The following MSI2 variants were observed in gnomAD, a reference collection of about 807,000 sequenced individuals.
MSI2 encodes the protein musashi RNA binding protein 2.
MSI2 carries 17 observed loss-of-function variants against 45.6 expected under a neutral mutation model. The ratio of observed to expected loss-of-function variants is 0.37; its 90% CI spans 0.26 to 0.56. The LOEUF is 0.56. Among genes scored for constraint, MSI2 ranks in the 20% least tolerant of loss-of-function variants. MSI2 has a pLI of 0.77. For missense variants in MSI2, 293 were observed against 444.2 expected (o/e 0.66, Z 3.06); for synonymous variants, 156 against 158.2 (o/e 0.99, Z 0.11).
intron 10 of MSI2, among the ~76,000 whole-genome samples, chr17:57,647,479 G>C (rs1910767301): frequency 6.7e-6 from 1 of 149,468 alleles, no homozygotes; most frequent in Admixed American, 6.7e-5. Flanking sequence ...GAAAAAGAAA[G>C]AAATTCAGGC....
intron 5 of MSI2, among the ~76,000 whole-genome samples, chr17:57,349,802 G>T (rs1302918030): frequency 6.6e-6 from 1 of 152,236 alleles, no homozygotes; most frequent in Non-Finnish European, 1.5e-5. Context: ...TTAGCAAGCA[G>T]ATACACTTCA....
intron 7 of MSI2, among the ~76,000 whole-genome samples, chr17:57,575,262 A>T (rs1277829913): frequency 6.7e-6 from 1 of 148,974 alleles, no homozygotes; most frequent in African/African-American, 2.5e-5. Context: ...TGATTGGGAG[A>T]TCCAGGGTTT....
chr17:57,656,584 G>A (rs1911605417), intron 11 of MSI2, among the ~76,000 whole-genome samples: 1 of 146,204 alleles, frequency 6.8e-6, no homozygotes, highest in African/African-American at 2.8e-5. Flanking sequence ...TCCTTGGTCT[G>A]CAGACAGGGA....
At position 57,600,425 on chromosome 17, in the gene MSI2, A is replaced by C. The variant is rs2144480961; in HGVS notation, c.537+3475A>C. Among the ~76,000 whole-genome samples the C allele has an allele frequency of 1.3e-5, 2 of 152,346 alleles. 1 individual carries two copies. The highest frequency in any genetic ancestry group is 4.1e-4 in the South Asian group (2 of 4,826). ...ACTTGAATCTAGGTCTTCTGGTTCA[A>C]TCTCATGTGCCTGGCACTTAGGAGA... On this transcript the variant is annotated intron_variant, in intron 8 of 13. Transcript: ENST00000284073.
At chr17:57,647,754 C>T (rs1156772776) in intron 10 of MSI2, among the ~76,000 whole-genome samples, 1 of 151,390 alleles carries the variant, frequency 6.6e-6, no homozygotes, top group Admixed American at 6.6e-5. Context: ...AAGCAATTCT[C>T]GTGCCTCCGC....
chr17:57,695,580 T>C, the MSI2 span, among the ~76,000 whole-genome samples: 1 of 152,036 alleles, frequency 6.6e-6, no homozygotes, highest in Non-Finnish European at 1.5e-5. Context: ...CACCGTCTCT[T>C]CTGGATCAGT....
chr17:57,332,979 C>G (rs1162872890), intron 5 of MSI2, among the ~76,000 whole-genome samples: 3 of 151,930 alleles, frequency 2.0e-5, no homozygotes, highest in Admixed American at 1.3e-4. Context: ...GAGCCGAGAT[C>G]ATGCCACTGC....
chr17:57,687,007 C>T (rs191479164), downstream of MSI2, among the ~76,000 whole-genome samples: 2 of 145,734 alleles, frequency 1.4e-5, no homozygotes, highest in Non-Finnish European at 3.1e-5. Context: ...GGCCAGCAGC[C>T]CCCCCCCCAA....
rs187851822 is a variant in MSI2 at position 57,292,772 on chromosome 17, G to A, written c.312+30580G>A. Reference sequence around the variant, plus strand: ...AAAGGAGCCTTTCTGGGGCCAGCACGGTTGGAAGAGTTCACAGCCTTTCTG... The same window carrying A: ...AAAGGAGCCTTTCTGGGGCCAGCACAGTTGGAAGAGTTCACAGCCTTTCTG... On this transcript the variant is annotated intron_variant, in intron 5 of 13. Transcript: ENST00000284073. 9.9e-5 allele frequency among the ~76,000 whole-genome samples: 15 copies of A among 152,282 alleles called. No homozygotes were observed. In the East Asian group the frequency reaches 1.4e-3, roughly 14 times the overall value.
At chr17:57,426,699 A>C (rs980306207) in intron 6 of MSI2, among the ~76,000 whole-genome samples, 6 of 152,228 alleles carry the variant, frequency 3.9e-5, no homozygotes, top group African/African-American at 1.4e-4. Flanking sequence ...ATGGGTGTCC[A>C]TACAGCCTTG....
chr17:57,598,241 T>A, intron 8 of MSI2, among the ~76,000 whole-genome samples: 1 of 152,226 alleles, frequency 6.6e-6, no homozygotes, highest in East Asian at 1.9e-4. Flanking sequence ...ACTTTAATAT[T>A]TTCTTCCTTT....
intron 10 of MSI2, among the ~76,000 whole-genome samples, chr17:57,639,815 G>A (rs1910116735): frequency 6.6e-6 from 1 of 152,204 alleles, no homozygotes; most frequent in Admixed American, 6.5e-5. Flanking sequence ...CAGCTTTGAA[G>A]GTGCTGGGAT....
chr17:57,631,731 C>A, intron 10 of MSI2: 1 of 1,391,278 alleles, frequency 7.2e-7, no homozygotes, highest in Non-Finnish European at 1.0e-6. Flanking sequence ...CTCTTTTCCC[C>A]ACTCTGGACT....
At chr17:57,277,065 T>G (rs1908927362) in intron 5 of MSI2, among the ~76,000 whole-genome samples, 1 of 147,766 alleles carries the variant, frequency 6.8e-6, no homozygotes, top group South Asian at 2.1e-4. Context: ...TTTTTTTTTT[T>G]TTTTTTTTGA....
intron 7 of MSI2, among the ~76,000 whole-genome samples, chr17:57,535,773 A>G (rs2086908224): frequency 6.6e-6 from 1 of 152,214 alleles, no homozygotes; most frequent in Non-Finnish European, 1.5e-5. Context: ...AGGAGCATCC[A>G]GGCAGGTGGC....
At chr17:57,453,556 A>T (rs1370097769) in intron 6 of MSI2, among the ~76,000 whole-genome samples, 4 of 152,224 alleles carry the variant, frequency 2.6e-5, no homozygotes, top group Non-Finnish European at 4.4e-5. Context: ...ACAAAGCAAG[A>T]AGTTTAATGC....
At chr17:57,553,966 G>A (rs2087368433) in intron 7 of MSI2, among the ~76,000 whole-genome samples, 1 of 152,072 alleles carries the variant, frequency 6.6e-6, no homozygotes, top group Non-Finnish European at 1.5e-5. Flanking sequence ...ATTCTAGGAG[G>A]GCCCTGAAAA....
intron 11 of MSI2, among the ~76,000 whole-genome samples, chr17:57,657,214 A>G (rs769769332): frequency 2.6e-5 from 4 of 152,204 alleles, no homozygotes; most frequent in Admixed American, 6.5e-5. Context: ...CGGAATGAAC[A>G]AGGATTGAAT....
intron 7 of MSI2, among the ~76,000 whole-genome samples, chr17:57,530,294 C>A (rs1379840721): frequency 6.6e-6 from 1 of 152,164 alleles, no homozygotes; most frequent in Non-Finnish European, 1.5e-5. Flanking sequence ...TGGGTCTTAA[C>A]CTGGAGTCTA....
Sources: allele counts gnomAD v4.1 joint callset (sites outside exome capture counted in the v4.1 genomes callset), GRCh38; gene constraint gnomAD v4.1.1; transcripts MANE v1.5; gene names NCBI Gene and HGNC (gene_info 2026-07-23, HGNC 2026-07-21).